PRSS57: variants seen among roughly 807,000 people sequenced by gnomAD.
PRSS57 encodes neutrophil serine protease 4.
In PRSS57, 19 loss-of-function variants were observed where a neutral mutation model predicts 20.6. That is an observed-to-expected ratio of 0.92 (90% CI 0.64 to 1.35). The LOEUF is 1.35. PRSS57 is among the 40% of genes most tolerant of loss of function. The probability of loss-of-function intolerance (pLI) is 0.00; values close to 1 mark genes in which losing one functional copy is unlikely to be tolerated. For synonymous variants in PRSS57, 203 were observed against 176.6 expected (o/e 1.15, Z -1.19); for missense variants, 440 against 403.7 (o/e 1.09, Z -0.77).
At chr19:686,033 G>A (rs1429124371) in intron 4 of PRSS57, 111 bp from the exon 5 acceptor site, 1 of 979,494 alleles carries the variant, frequency 1.0e-6, no homozygotes, top group Non-Finnish European at 1.5e-6. Flanking sequence ...GCTCTCCAAG[G>A]AAAAAGTAAA....
intron 3 of PRSS57, among the ~76,000 whole-genome samples, chr19:688,749 C>T (rs1435273454): frequency 1.3e-5 from 2 of 151,982 alleles, no homozygotes; most frequent in Non-Finnish European, 2.9e-5. Flanking sequence ...CTGGCACCCA[C>T]CACCAGGCTC....
chr19:692,655 G>T (rs2031680784), intron 2 of PRSS57, among the ~76,000 whole-genome samples: 1 of 151,594 alleles, frequency 6.6e-6, no homozygotes, highest in Non-Finnish European at 1.5e-5. Context: ...GACCTGAAGT[G>T]ATCCACCTGC....
At chr19:687,873 C>T (rs2031523069) in intron 3 of PRSS57, among the ~76,000 whole-genome samples, 1 of 152,210 alleles carries the variant, frequency 6.6e-6, no homozygotes, top group African/African-American at 2.4e-5. Flanking sequence ...CTCCCTGGGC[C>T]TGCCACACAC....
chr19:694,294 A>T (rs1291698169), intron 2 of PRSS57, among the ~76,000 whole-genome samples: 1 of 145,520 alleles, frequency 6.9e-6, no homozygotes, highest in Non-Finnish European at 1.5e-5. Flanking sequence ...GAGGCAGGGC[A>T]TGGCGGCTCA....
intron 3 of PRSS57, among the ~76,000 whole-genome samples, chr19:688,347 T>A (rs977115342): frequency 4.0e-5 from 6 of 151,158 alleles, no homozygotes; most frequent in African/African-American, 1.2e-4. Flanking sequence ...CCTCCTCCTT[T>A]TTTTTTTGTT....
In PRSS57 at chr19:686,930, A is replaced by G; in HGVS notation, c.637T>C (p.Cys213Arg). Residue 213 changes from cysteine to arginine, a missense_variant, in exon 4 of 5, where the codon TGC (cysteine) becomes CGC (arginine). Physicochemically the swap from Cys to Arg is radical, Grantham distance 180. Coordinates refer to ENST00000329267, the MANE Select transcript of PRSS57 (RefSeq NM_001308209.2). ...RSGDSHRRGF[C>R]SADSGGPLVC... is the part of the protein sequence containing the mutation. ...GAGCAGGGAGGGGATCTTACCGAGC[A>G]GAAGCCCCGTCTGTGGCTGTCCCCA... 1 of 1,613,334 alleles carries G rather than the reference A, an allele frequency of 6.2e-7. No homozygotes were observed.
chr19:694,122 G>A (rs1012711794), intron 2 of PRSS57, among the ~76,000 whole-genome samples: 4 of 151,538 alleles, frequency 2.6e-5, no homozygotes, highest in African/African-American at 9.7e-5. Context: ...ACAATCCACC[G>A]TGTCCCAACG....
At chr19:690,888 G>A (rs1043890501) in intron 3 of PRSS57, 6 of 397,854 alleles carry the variant, frequency 1.5e-5, no homozygotes, top group African/African-American at 1.3e-4. Flanking sequence ...GCGCTGGTGT[G>A]CCTGATCCCC....
intron 1 of PRSS57, 119 bp downstream of exon 1, chr19:695,233 C>T (rs1418857224): frequency 4.0e-6 from 2 of 498,694 alleles, no homozygotes; most frequent in Admixed American, 4.2e-5. Context: ...CACGGGGGCT[C>T]GGCAGATGGA....
At chr19:687,319 A>G in intron 3 of PRSS57, 131 bp from the exon 4 acceptor site, 1 of 1,101,710 alleles carries the variant, frequency 9.1e-7, no homozygotes, top group Non-Finnish European at 1.2e-6. Context: ...AGGCCGGGTC[A>G]GGAGGCCCCG....
Position 685,837 on chromosome 19 carries a change from G to A in PRSS57, c.728C>T (p.Thr243Ile), listed in dbSNP as rs1292995005. 5 of 1,562,548 alleles carry A rather than the reference G, an allele frequency of 3.2e-6. No homozygotes were observed. Among genetic ancestry groups the A allele is most frequent in the Non-Finnish European group, 3.5e-6 (4 of 1,153,700 alleles). Residue 243 changes from threonine (T) to isoleucine (I), a missense_variant, in exon 5 of 5, where the codon ACC (threonine) becomes ATC (isoleucine). By Grantham distance (89) the Thr-to-Ile change is moderately conservative. Transcript: ENST00000329267. ...GGACACCTGCGTGTACACGTCGGGG[G>A]TCTTGGGGTCGCCGCACCAGAGGCC... ...FSGLWCGDPK[T>I]PDVYTQVSAF...
chr19:691,436 C>T (rs1333973022), intron 3 of PRSS57, among the ~76,000 whole-genome samples: 2 of 148,894 alleles, frequency 1.3e-5, no homozygotes, highest in African/African-American at 2.5e-5. Context: ...GCCTGGGAGG[C>T]GGAGGTTACA....
In PRSS57 at chr19:685,881, G is replaced by A. The variant is rs368189855; in HGVS notation, c.684C>T (p.His228=). The change falls in exon 5 of 5, where the codon CAC becomes CAT. Residue 228 remains histidine (H), a synonymous_variant. Coordinates refer to ENST00000329267, the MANE Select transcript of PRSS57 (RefSeq NM_001308209.2). The part of the protein sequence containing the change: ...GGPLVCRNRA[H]GLVSFSGLWC... ...AGAGGCCCGAGAAGGAAACGAGGCC[G>A]TGAGCCCGGTTCCTGCACACCAGGG... 1.5e-5 allele frequency: 24 copies of A among 1,552,988 alleles called. No individual in the cohort carries two copies. Among genetic ancestry groups the A allele is most frequent in the South Asian group, 5.9e-5 (5 of 84,324 alleles).
At chr19:695,004 G>A in intron 1 of PRSS57, 37 bp from the exon 2 acceptor site, 1 of 1,489,030 alleles carries the variant, frequency 6.7e-7, no homozygotes, top group Non-Finnish European at 8.9e-7. Context: ...GACGAGGCGG[G>A]AGGAACGGAT....
rs942125196 is a variant in PRSS57 at position 695,276 on chromosome 19, A to G, written c.79+76T>C. 265 of 674,364 alleles carry G rather than the reference A, an allele frequency of 3.9e-4. 1 individual carries two copies. Among genetic ancestry groups the G allele is most frequent in the Non-Finnish European group, 5.2e-4 (247 of 475,908 alleles). The allele number at this position is 674,364 out of a possible 1,614,324, so 41.8% of individuals were successfully genotyped here. A position where few individuals can be genotyped will look rare whatever the true frequency, so the allele number is the denominator to read the frequency against. ...GAGCTCTCCCCAGGGTTCTCCCGGG[A>G]CTGGGGGTTCCCGGGTGTGGCCCCC... On this transcript the variant is annotated intron_variant, in intron 1 of 4. Transcript: ENST00000329267.
chr19:690,335 G>C (rs1304151728), intron 3 of PRSS57: 1 of 153,090 alleles, frequency 6.5e-6, no homozygotes, highest in South Asian at 1.8e-4. Context: ...GCCCAGGGCT[G>C]CTTCTCCTGG....
In PRSS57 at chr19:693,229, C is replaced by CTTTTTTT. The variant is rs1171032187; in HGVS notation, c.234-1228_234-1227insAAAAAAA. 8.5e-4 allele frequency among the ~76,000 whole-genome samples: 93 copies of CTTTTTTT among 109,108 alleles called. 21 individuals carry two copies. Among genetic ancestry groups the CTTTTTTT allele is most frequent in the Non-Finnish European group, 9.5e-4 (52 of 54,468 alleles). 71.6% of individuals were successfully genotyped at this position (109,108 alleles called of 152,430 possible). On this transcript the variant is annotated intron_variant, in intron 2 of 4. Coordinates refer to ENST00000329267, the MANE Select transcript of PRSS57 (RefSeq NM_001308209.2). ...TACAGGCGTGAGCCACCGCACCCGG[C>CTTTTTTT]CTTTTTTTTTTTTTTTTTTTTGAGA...
intron 4 of PRSS57, 117 bp from the exon 5 acceptor site, chr19:686,039 G>A (rs2031466174): frequency 1.1e-6 from 1 of 938,566 alleles, no homozygotes; most frequent in Non-Finnish European, 1.6e-6. Context: ...CAAGGAAAAA[G>A]TAAATTCATT....
chr19:692,377 A>C (rs985907609), intron 2 of PRSS57, among the ~76,000 whole-genome samples: 2 of 96,936 alleles, frequency 2.1e-5, no homozygotes, highest in African/African-American at 9.2e-5. Context: ...TCAAAAAAAC[A>C]AAAAAAAAAC....
Sources: gnomAD v4.1 joint callset for allele counts (sites outside exome capture counted in the v4.1 genomes callset) on GRCh38, gnomAD v4.1.1 for gene constraint, MANE v1.5 for transcripts, NCBI Gene and HGNC (gene_info 2026-07-23, HGNC 2026-07-21) for gene names.